Variants in IFT122 observed in about 807,000 individuals in gnomAD.
IFT122 encodes intraflagellar transport 122, also known as intraflagellar transport protein 122 homolog.
In IFT122, 118 loss-of-function variants were observed where a neutral mutation model predicts 161.6. The observed-to-expected ratio is 0.73, with a 90% CI of 0.63 to 0.85. IFT122 has a LOEUF of 0.85. Ranked by LOEUF, IFT122 falls within the 40% of genes least tolerant of loss-of-function variation. The probability of loss-of-function intolerance (pLI) is 0.00; values close to 1 mark genes in which losing one functional copy is unlikely to be tolerated. For missense variants in IFT122, 1,381 were observed against 1,579.6 expected (o/e 0.87, Z 2.13); for synonymous variants, 550 against 602.4 (o/e 0.91, Z 1.27).
intron 12 of IFT122, 120 bp downstream of exon 12, chr3:129,478,338 A>C: frequency 1.2e-6 from 1 of 805,018 alleles, no homozygotes; most frequent in Non-Finnish European, 2.1e-6. Context: ...GTTCCATCAA[A>C]CTAAGTGGTG....
chr3:129,516,823 CACACAG>C (rs2083847129), intron 26 of IFT122, among the ~76,000 whole-genome samples: 1 of 146,934 alleles, frequency 6.8e-6, no homozygotes. Flanking sequence ...CCTGCACACA[CACACAG>C]AGACTGCCCC....
chr3:129,512,770 G>C (rs2082985903), intron 24 of IFT122: 1 of 362,384 alleles, frequency 2.8e-6, no homozygotes. Flanking sequence ...TGGGGAGGAG[G>C]GAGTGTTTGT....
chr3:129,451,703 T>A (rs2074874408), intron 2 of IFT122, among the ~76,000 whole-genome samples: 1 of 152,246 alleles, frequency 6.6e-6, no homozygotes, highest in Non-Finnish European at 1.5e-5. Context: ...AGTATATTCC[T>A]GGTCACATAG....
At chr3:129,494,393 A>C (rs2080572424) in intron 17 of IFT122, among the ~76,000 whole-genome samples, 1 of 152,036 alleles carries the variant, frequency 6.6e-6, no homozygotes, top group African/African-American at 2.4e-5. Context: ...ATTTCCAACT[A>C]TTAGGAGTTA....
At chr3:129,503,102 G>A (rs547705779) in intron 20 of IFT122, among the ~76,000 whole-genome samples, 21 of 152,164 alleles carry the variant, frequency 1.4e-4, no homozygotes, top group Non-Finnish European at 5.9e-5. Context: ...TGAGAAAATC[G>A]TTACTGACAG....
At chr3:129,461,627 A>G (rs1205531830) in intron 5 of IFT122, 8 of 414,974 alleles carry the variant, frequency 1.9e-5, no homozygotes, top group South Asian at 1.3e-4. Context: ...GCCTCTGGGA[A>G]GCCTTCCCTG....
chr3:129,509,290 G>A (rs532216598), intron 23 of IFT122, among the ~76,000 whole-genome samples: 7 of 152,148 alleles, frequency 4.6e-5, no homozygotes, highest in South Asian at 2.1e-4. Flanking sequence ...CCAAACAACC[G>A]TAGAATGGTT....
intron 7 of IFT122, among the ~76,000 whole-genome samples, chr3:129,466,373 C>G (rs1208483549): frequency 6.6e-6 from 1 of 152,018 alleles, no homozygotes; most frequent in Non-Finnish European, 1.5e-5. Flanking sequence ...TTTGTGGCTG[C>G]AGAGGACTTG....
chr3:129,506,152 A>G (rs1379231470), intron 21 of IFT122, among the ~76,000 whole-genome samples: 1 of 152,170 alleles, frequency 6.6e-6, no homozygotes, highest in Non-Finnish European at 1.5e-5. Context: ...TGGCCCCTCC[A>G]GTTTTTCCTT....
rs572126179 is a variant in IFT122, at chr3:129,514,922, C to T, written c.3153+368C>T. 4.5e-4 allele frequency: 182 copies of T among 407,270 alleles called. 1 individual carries two copies. Among genetic ancestry groups the T allele is most frequent in the Middle Eastern group, 1.6e-3 (2 of 1,266 alleles). 25.2% of individuals were successfully genotyped at this position (407,270 alleles called of 1,614,324 possible). On this transcript the variant is annotated intron_variant, in intron 25 of 29. Transcript: ENST00000348417. ...TAGAAACCTCTGCCCTTTCTGGAAC[C>T]AGGCTGTAGTTCTCCAGCAAATCTA...
intron 3 of IFT122, among the ~76,000 whole-genome samples, chr3:129,453,758 G>A (rs1279698442): frequency 6.6e-6 from 1 of 152,160 alleles, no homozygotes; most frequent in Non-Finnish European, 1.5e-5. Context: ...GGTACCAGGT[G>A]GGTTGGGAAG....
chr3:129,498,935 T>G (rs143972725), intron 18 of IFT122, among the ~76,000 whole-genome samples: 4 of 152,340 alleles, frequency 2.6e-5, no homozygotes, highest in Admixed American at 2.6e-4. Flanking sequence ...GTAACTACTC[T>G]GAAAAGAGGT....
chr3:129,484,249 T>C (rs1198670892), intron 15 of IFT122, among the ~76,000 whole-genome samples: 1 of 152,052 alleles, frequency 6.6e-6, no homozygotes, highest in African/African-American at 2.4e-5. Flanking sequence ...GCGCCTGAGA[T>C]TGACCTCCCG....
chr3:129,470,604 T>G (rs1232859741), intron 9 of IFT122, among the ~76,000 whole-genome samples: 1 of 141,898 alleles, frequency 7.0e-6, no homozygotes, highest in Non-Finnish European at 1.6e-5. Flanking sequence ...AGAGTCTCAC[T>G]CTGTCGCCTA....
intron 1 of IFT122, among the ~76,000 whole-genome samples, chr3:129,445,744 G>C (rs1470098845): frequency 2.0e-5 from 3 of 152,204 alleles, no homozygotes; most frequent in African/African-American, 7.2e-5. Context: ...CTGAGCCATG[G>C]TATCCTCATC....
intron 9 of IFT122, among the ~76,000 whole-genome samples, chr3:129,474,062 G>A (rs1469656914): frequency 6.6e-6 from 1 of 152,224 alleles, no homozygotes; most frequent in African/African-American, 2.4e-5. Context: ...GCTAGGGAAA[G>A]TTTTCGTTGC....
chr3:129,516,603 CAG>C (rs1482340150), intron 26 of IFT122, among the ~76,000 whole-genome samples: 7 of 144,784 alleles, frequency 4.8e-5, no homozygotes, highest in South Asian at 4.6e-4. Context: ...TGCACACACA[CAG>C]AGACTGCCCC....
At chr3:129,516,286 GCACACACA>G (rs375077150) in intron 26 of IFT122, among the ~76,000 whole-genome samples, 17 of 89,662 alleles carry the variant, frequency 1.9e-4, no homozygotes, top group African/African-American at 8.1e-4. Flanking sequence ...GATTGCTCCT[GCACACACA>G]CACACACACA....
chr3:129,511,452 G>A (rs1459101785), intron 23 of IFT122, among the ~76,000 whole-genome samples: 1 of 152,182 alleles, frequency 6.6e-6, no homozygotes, highest in Admixed American at 6.5e-5. Flanking sequence ...GATGAGTAGG[G>A]CCTCACAAGA....
Sources: gnomAD v4.1 joint callset for allele counts (sites outside exome capture counted in the v4.1 genomes callset) on GRCh38, gnomAD v4.1.1 for gene constraint, MANE v1.5 for transcripts, NCBI Gene and HGNC (gene_info 2026-07-23, HGNC 2026-07-21) for gene names.